The following GAP43 variants were observed in gnomAD, a reference collection of about 807,000 sequenced individuals.
GAP43 encodes neuromodulin.
In GAP43, 6 loss-of-function variants were observed where a neutral mutation model predicts 18.6. The observed-to-expected ratio is 0.32, with a 90% CI of 0.18 to 0.64. GAP43 has a LOEUF of 0.64. Ranked by LOEUF, GAP43 falls within the 30% of genes least tolerant of loss-of-function variation. The pLI is 0.78. For synonymous variants in GAP43, 115 were observed against 111.4 expected (o/e 1.03, Z -0.20); for missense variants, 292 against 295.5 (o/e 0.99, Z 0.09).
chr3:115,655,784 T>C (rs1342131809), intron 1 of GAP43, among the ~76,000 whole-genome samples: 3 of 152,240 alleles, frequency 2.0e-5, no homozygotes, highest in African/African-American at 7.2e-5. Context: ...ATTTTGCTTC[T>C]GGGACAGAAA....
intron 2 of GAP43, among the ~76,000 whole-genome samples, chr3:115,685,022 T>C (rs189965677): frequency 1.3e-5 from 2 of 152,310 alleles, no homozygotes; most frequent in Admixed American, 6.5e-5. Flanking sequence ...CTGTGTTGTT[T>C]ATTGTTGCTT....
chr3:115,680,212 C>T (rs1708944159), intron 2 of GAP43, among the ~76,000 whole-genome samples: 1 of 152,234 alleles, frequency 6.6e-6, no homozygotes, highest in African/African-American at 2.4e-5. Flanking sequence ...GTAATCCCAG[C>T]ACTTTGGGAG....
intron 2 of GAP43, among the ~76,000 whole-genome samples, chr3:115,683,147 G>GCGCGCGCGCGCGCACA (rs1252333447): frequency 2.4e-5 from 3 of 127,396 alleles, no homozygotes; most frequent in Non-Finnish European, 3.3e-5. Flanking sequence ...GCGCGCGCGC[G>GCGCGCGCGCGCGCACA]CACACACACA....
At chr3:115,684,441 C>CT (rs1346422078) in intron 2 of GAP43, among the ~76,000 whole-genome samples, 2 of 152,182 alleles carry the variant, frequency 1.3e-5, no homozygotes, top group African/African-American at 4.8e-5. Context: ...TGTTTAAGCA[C>CT]TGTATCCATG....
chr3:115,716,722 ATATAT>A (rs1709508623), intron 2 of GAP43, among the ~76,000 whole-genome samples: 2 of 24,360 alleles, frequency 8.2e-5, no homozygotes, highest in Non-Finnish European at 1.5e-4. Context: ...AGACAAATAT[ATATAT>A]ATATATATAT....
chr3:115,694,014 C>T (rs1257675030), intron 2 of GAP43, among the ~76,000 whole-genome samples: 1 of 152,144 alleles, frequency 6.6e-6, no homozygotes, highest in African/African-American at 2.4e-5. Flanking sequence ...GCAGGCAGCT[C>T]ATTGCTGGCA....
At position 115,720,844 on chromosome 3, in the gene GAP43, AAAG is replaced by A. The variant is rs767096970; in HGVS notation, c.684_686del (p.Glu230del). The stretch of plus-strand genomic sequence containing the variant: ...GGAAAGTGCCCGGCAGGACGAGGGT[AAAG>A]AAGAGGAACCTGAGGCTGACCAAGA... On this transcript the variant is annotated inframe_deletion, in exon 3 of 3. Coordinates refer to ENST00000305124, the MANE Select transcript of GAP43 (RefSeq NM_002045.4). 1 of 1,613,080 alleles carries A rather than the reference AAAG, an allele frequency of 6.2e-7. No individual in the cohort carries two copies. Among genetic ancestry groups the A allele is most frequent in the South Asian group, 1.1e-5 (1 of 91,046 alleles).
At chr3:115,706,876 T>A (rs549516330) in intron 2 of GAP43, among the ~76,000 whole-genome samples, 1 of 152,354 alleles carries the variant, frequency 6.6e-6, no homozygotes, top group South Asian at 2.1e-4. Context: ...AGGTTGAAGA[T>A]AACTCATTTA....
At chr3:115,647,136 T>C (rs6807770) in intron 1 of GAP43, among the ~76,000 whole-genome samples, 149,329 of 151,978 alleles carry the variant, frequency 0.98, 73,415 homozygotes, top group East Asian at 1. Context: ...GTGAAGCCCT[T>C]ATGAATGGGA....
intron 1 of GAP43, among the ~76,000 whole-genome samples, chr3:115,646,080 T>G (rs1708454695): frequency 6.6e-6 from 1 of 152,146 alleles, no homozygotes; most frequent in Admixed American, 6.6e-5. Context: ...ATTATGCCTC[T>G]TGCCAAGATT....
At chr3:115,680,468 A>T (rs763080843) in intron 2 of GAP43, among the ~76,000 whole-genome samples, 11 of 152,174 alleles carry the variant, frequency 7.2e-5, no homozygotes, top group Non-Finnish European at 1.0e-4. Flanking sequence ...AGAAAAAGTA[A>T]ACCAAACCAA....
intron 2 of GAP43, among the ~76,000 whole-genome samples, chr3:115,708,594 A>G (rs1709394287): frequency 6.6e-6 from 1 of 152,214 alleles, no homozygotes; most frequent in Non-Finnish European, 1.5e-5. Context: ...AGCCTGATCC[A>G]ACAGAGAGCT....
intron 1 of GAP43, among the ~76,000 whole-genome samples, chr3:115,657,324 G>A (rs1708596055): frequency 1.3e-5 from 2 of 152,214 alleles, no homozygotes; most frequent in South Asian, 4.1e-4. Flanking sequence ...CCAGGACGAA[G>A]AAAGGAACAC....
rs574317475 is a variant in GAP43, at chr3:115,687,108, C to G, written c.628+10498C>G. ...GAGATGACTGAAGATGTCCTGAAAT[C>G]CCCCCTCTTTTTTTTTTTTTGCATC... On this transcript the variant is annotated intron_variant, in intron 2 of 2. Transcript: ENST00000305124. Among the ~76,000 whole-genome samples, 27 of 46,120 alleles carry G rather than the reference C, an allele frequency of 5.9e-4. No homozygotes were observed. The East Asian group carries it at 0.025, about 43-fold the overall frequency. 30.3% of individuals were successfully genotyped at this position (46,120 alleles called of 152,430 possible).
intron 1 of GAP43, among the ~76,000 whole-genome samples, chr3:115,638,005 A>C (rs1006161008): frequency 3.3e-5 from 5 of 152,052 alleles, no homozygotes; most frequent in African/African-American, 1.2e-4. Context: ...GCATAGTAAA[A>C]ATATAAATAA....
intron 2 of GAP43, among the ~76,000 whole-genome samples, chr3:115,708,429 A>G (rs1709392422): frequency 6.6e-6 from 1 of 152,242 alleles, no homozygotes; most frequent in African/African-American, 2.4e-5. Context: ...TTTTGGTTAA[A>G]GAGCTATCTT....
intron 1 of GAP43, among the ~76,000 whole-genome samples, chr3:115,656,733 T>C (rs530991432): frequency 2.6e-5 from 4 of 152,198 alleles, no homozygotes; most frequent in African/African-American, 9.6e-5. Flanking sequence ...ATGGATTGTA[T>C]TTCAAAAAGA....
At chr3:115,629,899 G>A (rs970077222) in intron 1 of GAP43, among the ~76,000 whole-genome samples, 1 of 152,180 alleles carries the variant, frequency 6.6e-6, no homozygotes, top group Non-Finnish European at 1.5e-5. Flanking sequence ...AAGTGGAACT[G>A]ATCATCAGTG....
intron 1 of GAP43, among the ~76,000 whole-genome samples, chr3:115,669,010 C>G (rs1049689435): frequency 6.6e-6 from 1 of 150,440 alleles, no homozygotes; most frequent in Non-Finnish European, 1.5e-5. Context: ...AGTGCCACTG[C>G]GCTCCAGCCT....
Sources: allele counts gnomAD v4.1 joint callset (sites outside exome capture counted in the v4.1 genomes callset), GRCh38; gene constraint gnomAD v4.1.1; transcripts MANE v1.5; gene names NCBI Gene and HGNC (gene_info 2026-07-23, HGNC 2026-07-21).